NOMO1: variants seen among roughly 807,000 people sequenced by gnomAD.
The protein encoded by NOMO1 is NODAL modulator 1.
Under a neutral mutation model 133.8 loss-of-function variants are expected in NOMO1, and 40 were observed. The ratio of observed to expected loss-of-function variants is 0.30; its 90% CI spans 0.23 to 0.39. The LOEUF is 0.39. Ranked by LOEUF, NOMO1 falls within the 10% of genes least tolerant of loss-of-function variation. The probability of loss-of-function intolerance (pLI) is 1.00; values close to 1 mark genes in which losing one functional copy is unlikely to be tolerated. For missense variants in NOMO1, 462 were observed against 1,419.9 expected, an observed-to-expected ratio of 0.33 and a Z score of 10.84; for synonymous variants, 236 against 570.5, an observed-to-expected ratio of 0.41 and a Z score of 8.36.
chr16:14,887,379 C>T (rs1291978543), intron 28 of NOMO1, among the ~76,000 whole-genome samples: 2 of 151,722 alleles, frequency 1.3e-5, no homozygotes, highest in South Asian at 4.2e-4. Flanking sequence ...CTGCAAGCTC[C>T]GCCTCCTGGG....
chr16:14,896,148 T>A lies in NOMO1; in HGVS notation c.*503T>A. On this transcript the variant is annotated 3_prime_UTR_variant, in exon 31 of 31. Transcript: ENST00000287667. ...CAATAAAATGGCCCATTCATTTGTGTTGTAGCTCATCATAGATGTATTTCT... is the reference window on the plus strand; with the variant it reads ...CAATAAAATGGCCCATTCATTTGTGATGTAGCTCATCATAGATGTATTTCT... The A allele has an allele frequency of 2.5e-6, 4 of 1,600,820 alleles. No homozygotes were observed. Among genetic ancestry groups the A allele is most frequent in the Non-Finnish European group, 3.4e-6 (4 of 1,170,884 alleles).
chr16:14,845,912 C>T (rs1489774330), intron 4 of NOMO1, among the ~76,000 whole-genome samples: 8 of 151,844 alleles, frequency 5.3e-5, no homozygotes, highest in South Asian at 4.2e-4. Flanking sequence ...CCACAACCTC[C>T]GCCTCCTGGG....
At chr16:14,842,042 C>A (rs1252715639) in intron 3 of NOMO1, among the ~76,000 whole-genome samples, 1 of 151,996 alleles carries the variant, frequency 6.6e-6, no homozygotes, top group African/African-American at 2.4e-5. Flanking sequence ...CAGAAACAGC[C>A]CTTCTGCACA....
At chr16:14,835,364 C>T (rs964414600) in intron 1 of NOMO1, among the ~76,000 whole-genome samples, 2 of 151,240 alleles carry the variant, frequency 1.3e-5, no homozygotes, top group African/African-American at 4.9e-5. Flanking sequence ...CCCATGCCAC[C>T]GCCTAGGTCT....
At chr16:14,869,871 G>C (rs1964057222) in intron 16 of NOMO1, among the ~76,000 whole-genome samples, 1 of 143,440 alleles carries the variant, frequency 7.0e-6, no homozygotes, top group African/African-American at 2.5e-5. Context: ...CAATGCACGA[G>C]GGTTCCGGTT....
At position 14,895,534 on chromosome 16, in the gene NOMO1, G is replaced by T; in HGVS notation, c.3558G>T (p.Gln1186His). Residue 1186 changes from glutamine (Q) to histidine (H), a missense_variant, in exon 31 of 31, where the codon CAG becomes CAT. Transcript: ENST00000287667. ...NHDKLIPLLL[Q>H]LTSRLQGVRA... ...TCTAGCTCATTCCTTTGCTGCTGCA[G>T]TTGACAAGCCGGCTACAGGGAGTCC... The T allele has an allele frequency of 1.2e-6, 2 of 1,611,954 alleles. No homozygotes were observed. The highest frequency in any genetic ancestry group is 1.7e-6 in the Non-Finnish European group (2 of 1,179,872).
intron 11 of NOMO1, among the ~76,000 whole-genome samples, chr16:14,860,617 C>T (rs1963910275): frequency 6.6e-6 from 1 of 151,774 alleles, no homozygotes; most frequent in Admixed American, 6.6e-5. Flanking sequence ...GAGAACACAC[C>T]CACAGGCCTG....
At chr16:14,846,432 A>G (rs1480273931) in intron 4 of NOMO1, 145 bp from the exon 5 acceptor site, 1 of 541,226 alleles carries the variant, frequency 1.8e-6, no homozygotes, top group Non-Finnish European at 3.3e-6. Flanking sequence ...CAGGAAACAT[A>G]TCCATGATTT....
intron 27 of NOMO1, among the ~76,000 whole-genome samples, chr16:14,885,458 A>C (rs1475806100): frequency 6.6e-6 from 1 of 152,216 alleles, no homozygotes; most frequent in African/African-American, 2.4e-5. Flanking sequence ...TGTTTATAAA[A>C]TACCCTGCAG....
intron 2 of NOMO1, 127 bp downstream of exon 2, chr16:14,838,623 T>C: frequency 2.3e-6 from 2 of 874,988 alleles, no homozygotes; most frequent in South Asian, 1.7e-5. Context: ...TGGAATATGA[T>C]AATCCTAGCC....
chr16:14,875,055 C>A lies in NOMO1; in HGVS notation c.2074C>A (p.Pro692Thr). Residue 692 changes from proline to threonine, a missense_variant, in exon 19 of 31, where the codon CCC (proline) becomes ACC (threonine). By Grantham distance (38) the Pro-to-Thr change is conservative. Transcript: ENST00000287667. The part of the protein sequence containing the change: ...VTIKSSIDSE[P>T]ALVLGPLKSV... ...TTCTAGGTCTTCCATCGACAGTGAA[C>A]CCGCCTTGGTCTTAGGCCCTCTGAA... The A allele has an allele frequency of 6.2e-7, 1 of 1,613,802 alleles. No homozygotes were observed. The highest frequency in any genetic ancestry group is 1.1e-5 in the South Asian group (1 of 91,060).
In NOMO1 at chr16:14,867,683, A is replaced by G. The variant is rs542564149; in HGVS notation, c.1807-865A>G. On this transcript the variant is annotated intron_variant, in intron 15 of 30. Coordinates refer to ENST00000287667, the MANE Select transcript of NOMO1 (RefSeq NM_014287.4). ...TCGAGCGGCGGCAGATGTCATCGTC[A>G]GGTCTTAGTTTCTCTGTAGAGAAAC... is the stretch of plus-strand genomic sequence containing the variant. 2.0e-5 allele frequency among the ~76,000 whole-genome samples: 3 copies of G among 148,836 alleles called. No individual in the cohort carries two copies. The South Asian group carries it at 6.5e-4, about 32-fold the overall frequency.
intron 1 of NOMO1, among the ~76,000 whole-genome samples, chr16:14,836,791 C>T (rs1353023405): frequency 7.6e-4 from 115 of 150,630 alleles, no homozygotes; most frequent in African/African-American, 2.5e-3. Flanking sequence ...CTGCAAGCTC[C>T]GCTTCCCGGG....
intron 1 of NOMO1, among the ~76,000 whole-genome samples, chr16:14,836,694 C>CTTTTTTTT (rs954619401): frequency 2.0e-4 from 26 of 131,236 alleles, no homozygotes; most frequent in African/African-American, 2.6e-4. Flanking sequence ...TTCCATTTTA[C>CTTTTTTTT]TTTTTTTTTT....
At chr16:14,874,446 G>A (rs1006172160) in intron 18 of NOMO1, among the ~76,000 whole-genome samples, 3 of 152,006 alleles carry the variant, frequency 2.0e-5, no homozygotes, top group East Asian at 1.9e-4. Flanking sequence ...GCTGCGTGGC[G>A]CATTCTCTCC....
At chr16:14,843,800 G>T (rs1963641195) in intron 3 of NOMO1, among the ~76,000 whole-genome samples, 1 of 135,018 alleles carries the variant, frequency 7.4e-6, no homozygotes, top group Non-Finnish European at 1.6e-5. Flanking sequence ...TCATCTCATG[G>T]TTTTCCATTT....
chr16:14,883,484 A>G (rs1964275105), intron 26 of NOMO1, among the ~76,000 whole-genome samples: 1 of 151,630 alleles, frequency 6.6e-6, no homozygotes. Flanking sequence ...GGCACACACC[A>G]TCACACCCGG....
intron 3 of NOMO1, among the ~76,000 whole-genome samples, chr16:14,842,029 A>G (rs1173575640): frequency 1.3e-5 from 2 of 152,062 alleles, no homozygotes; most frequent in African/African-American, 4.8e-5. Context: ...AGTACTCAGT[A>G]TTCAGAAACA....
intron 16 of NOMO1, among the ~76,000 whole-genome samples, chr16:14,870,718 C>T (rs1964069117): frequency 6.7e-6 from 1 of 148,332 alleles, no homozygotes; most frequent in African/African-American, 2.4e-5. Context: ...GCTATCAGCA[C>T]TCACTTCTAT....
Sources: gnomAD v4.1 joint callset for allele counts (sites outside exome capture counted in the v4.1 genomes callset) on GRCh38, gnomAD v4.1.1 for gene constraint, MANE v1.5 for transcripts, NCBI Gene and HGNC (gene_info 2026-07-23, HGNC 2026-07-21) for gene names.